The following MCU variants were observed in gnomAD, a reference collection of about 807,000 sequenced individuals.
MCU encodes mitochondrial calcium uniporter, also known as calcium uniporter protein, mitochondrial.
A neutral mutation model predicts 45.2 loss-of-function variants in MCU; 12 were observed. The observed-to-expected ratio is 0.27, with a 90% CI of 0.17 to 0.43. The LOEUF is 0.43. Among genes scored for constraint, MCU ranks in the 20% least tolerant of loss-of-function variants. The pLI, the probability that MCU is intolerant of heterozygous loss-of-function variation, is 1.00. For synonymous variants in MCU, 160 were observed against 165.1 expected (o/e 0.97, Z 0.24); for missense variants, 324 against 436.7 (o/e 0.74, Z 2.30).
chr10:72,822,357 G>A (rs1375262811), intron 1 of MCU, among the ~76,000 whole-genome samples: 2 of 152,128 alleles, frequency 1.3e-5, no homozygotes, highest in African/African-American at 2.4e-5. Flanking sequence ...ACAAAAAAAG[G>A]CAATGCCACC....
At chr10:72,774,536 G>A (rs1322531961) in intron 1 of MCU, among the ~76,000 whole-genome samples, 1 of 152,096 alleles carries the variant, frequency 6.6e-6, no homozygotes, top group African/African-American at 2.4e-5. Flanking sequence ...GCAGTCGTGA[G>A]TCCTTACTTA....
intron 1 of MCU, among the ~76,000 whole-genome samples, chr10:72,812,099 A>G (rs1160514813): frequency 6.7e-6 from 1 of 150,326 alleles, no homozygotes; most frequent in Non-Finnish European, 1.5e-5. Context: ...TTTTTTTAAC[A>G]TGGAGAGTAA....
At chr10:72,832,296 C>T (rs553265444) in intron 1 of MCU, among the ~76,000 whole-genome samples, 26 of 152,160 alleles carry the variant, frequency 1.7e-4, no homozygotes, top group African/African-American at 5.1e-4. Context: ...TAAGAGATTA[C>T]GTATGTATGT....
chr10:72,777,484 A>G (rs1216329825), intron 1 of MCU, among the ~76,000 whole-genome samples: 1 of 152,236 alleles, frequency 6.6e-6, no homozygotes, highest in Non-Finnish European at 1.5e-5. Flanking sequence ...TGTGAAAACT[A>G]GATAACCATA....
chr10:72,727,499 C>T (rs1843116759), intron 1 of MCU, among the ~76,000 whole-genome samples: 1 of 152,192 alleles, frequency 6.6e-6, no homozygotes, highest in African/African-American at 2.4e-5. Flanking sequence ...TTCTACATTC[C>T]TGATTACAAT....
chr10:72,855,259 A>T (rs779641625), intron 2 of MCU, among the ~76,000 whole-genome samples: 89 of 152,150 alleles, frequency 5.8e-4, no homozygotes, highest in Admixed American at 1.0e-3. Context: ...AAAATAAATA[A>T]AATAAGGTAT....
intron 1 of MCU, among the ~76,000 whole-genome samples, chr10:72,785,018 G>C (rs572133567): frequency 3.3e-5 from 5 of 152,112 alleles, no homozygotes; most frequent in Non-Finnish European, 1.5e-5. Flanking sequence ...AGGATTTTAG[G>C]CTTCTACATA....
chr10:72,850,670 T>G (rs943047017), intron 2 of MCU, among the ~76,000 whole-genome samples: 2 of 152,256 alleles, frequency 1.3e-5, no homozygotes, highest in African/African-American at 4.8e-5. Context: ...CCTGCACTAC[T>G]CTTCTTAGTC....
intron 2 of MCU, among the ~76,000 whole-genome samples, chr10:72,857,689 G>A (rs1845314502): frequency 6.6e-6 from 1 of 152,036 alleles, no homozygotes; most frequent in Admixed American, 6.5e-5. Flanking sequence ...AGTTGCTTAT[G>A]TAAAAATTTT....
Position 72,805,079 on chromosome 10 carries a change from TTCTTTCTTTCTTTCTTTCTTTC to T in MCU, c.151-29256_151-29235del, listed in dbSNP as rs1300648047. Among the ~76,000 whole-genome samples, 511 of 141,214 alleles carry T rather than the reference TTCTTTCTTTCTTTCTTTCTTTC, an allele frequency of 3.6e-3. 1 individual carries two copies. Among genetic ancestry groups the T allele is most frequent in the African/African-American group, 0.013 (466 of 35,682 alleles). The allele number at this position is 141,214 out of a possible 152,430, so 92.6% of individuals were successfully genotyped here. On this transcript the variant is annotated intron_variant, in intron 1 of 7. Transcript: ENST00000373053. ...GCCACCTCACCTGGCCCTAGTTTGT[TTCTTTCTTTCTTTCTTTCTTTC>T]TCTTTCTTTCTTTCTTTCTTTCTTT...
chr10:72,805,111 CTTTCTT>C (rs1290394860), intron 1 of MCU, among the ~76,000 whole-genome samples: 3 of 120,922 alleles, frequency 2.5e-5, no homozygotes, highest in African/African-American at 1.2e-4. Context: ...CTCTTTCTTT[CTTTCTT>C]TCTTTCTTTC....
intron 2 of MCU, among the ~76,000 whole-genome samples, chr10:72,854,287 GTCTT>G (rs1401700971): frequency 1.3e-5 from 2 of 152,030 alleles, no homozygotes; most frequent in Non-Finnish European, 2.9e-5. Context: ...ATGAGACCCT[GTCTT>G]TATTAAAAAG....
chr10:72,711,623 T>C (rs986170312), intron 1 of MCU, among the ~76,000 whole-genome samples: 2 of 151,704 alleles, frequency 1.3e-5, no homozygotes, highest in African/African-American at 4.8e-5. Flanking sequence ...GGTGGGAGGA[T>C]TGCTTGAGGC....
In MCU at chr10:72,763,862, A is replaced by G. The variant is rs529382542; in HGVS notation, c.151-70497A>G. 2.0e-5 allele frequency among the ~76,000 whole-genome samples: 3 copies of G among 152,282 alleles called. No homozygotes were observed. The South Asian group carries it at 6.2e-4, about 32-fold the overall frequency. The stretch of plus-strand genomic sequence containing the variant: ...GTCATACCATCAGAGATAGGAAAAT[A>G]CAGAAAGAAAGCTATGAGAGGTGTA... On this transcript the variant is annotated intron_variant, in intron 1 of 7. Coordinates refer to ENST00000373053, the MANE Select transcript of MCU (RefSeq NM_138357.3).
At chr10:72,794,115 T>A (rs1400954220) in intron 1 of MCU, among the ~76,000 whole-genome samples, 2 of 152,202 alleles carry the variant, frequency 1.3e-5, no homozygotes, top group East Asian at 1.9e-4. Context: ...AATTTTTTTT[T>A]AATTAAAAAA....
chr10:72,822,395 T>C (rs570924386), intron 1 of MCU, among the ~76,000 whole-genome samples: 1 of 152,142 alleles, frequency 6.6e-6, no homozygotes, highest in Non-Finnish European at 1.5e-5. Flanking sequence ...TAAAAAGTTA[T>C]GAGGGTATTC....
intron 1 of MCU, among the ~76,000 whole-genome samples, chr10:72,753,828 G>A (rs141822089): frequency 6.6e-6 from 1 of 152,150 alleles, no homozygotes; most frequent in East Asian, 1.9e-4. Context: ...GCAGTGATCT[G>A]TGATCACGCC....
Position 72,859,363 on chromosome 10 carries a change from T to C in MCU, c.391+16T>C, listed in dbSNP as rs1378066355. The C allele has an allele frequency of 6.3e-7, 1 of 1,595,466 alleles. No individual in the cohort carries two copies. The highest frequency in any genetic ancestry group is 8.6e-7 in the Non-Finnish European group (1 of 1,169,498). On this transcript the variant is annotated intron_variant, in intron 3 of 7. Transcript: ENST00000373053. ...TATTCACCAGGTATAGTCACCATCA[T>C]TATTAATTACCATCTATCCCTCATT...
At chr10:72,785,866 A>C (rs1045077690) in intron 1 of MCU, among the ~76,000 whole-genome samples, 1 of 152,188 alleles carries the variant, frequency 6.6e-6, no homozygotes, top group African/African-American at 2.4e-5. Context: ...AAATCAAAGG[A>C]GTATTGCCCA....
Sources: allele counts gnomAD v4.1 joint callset (sites outside exome capture counted in the v4.1 genomes callset), GRCh38; gene constraint gnomAD v4.1.1; transcripts MANE v1.5; gene names NCBI Gene and HGNC (gene_info 2026-07-23, HGNC 2026-07-21).